The following KLF17 variants were observed in gnomAD, a reference collection of about 807,000 sequenced individuals.
KLF17 encodes the protein Krueppel-like factor 17.
In KLF17, 31 loss-of-function variants were observed where a neutral mutation model predicts 34.2. The ratio of observed to expected loss-of-function variants is 0.91; its 90% CI spans 0.68 to 1.22. The LOEUF (loss-of-function observed/expected upper bound fraction) is 1.22. KLF17 is among the 50% of genes most tolerant of loss of function. The pLI, the probability that KLF17 is intolerant of heterozygous loss-of-function variation, is 0.00. For missense variants in KLF17, 478 were observed against 505.2 expected (o/e 0.95, Z 0.52); for synonymous variants, 179 against 186.7 (o/e 0.96, Z 0.34).
rs2088088011 is a variant in KLF17, at chr1:44,130,074, C to T, written c.803C>T (p.Pro268Leu). The stretch of plus-strand genomic sequence containing the variant: ...CAGACAGTAGAGAAGAACTCCAGGC[C>T]TCAGGAAGGGACTGGTAGAAGGGGC... ...APQTVEKNSR[P>L]QEGTGRRGSS... Residue 268 changes from proline (P) to leucine (L), a missense_variant, in exon 2 of 4, where the codon CCT becomes CTT. Pro to Leu is a moderately conservative substitution (Grantham distance 98, BLOSUM62 -3). Transcript: ENST00000372299. 3.1e-6 allele frequency: 5 copies of T among 1,614,220 alleles called. No homozygotes were observed. In the East Asian group the frequency reaches 8.9e-5, roughly 29 times the overall value.
At chr1:44,130,864 C>T (rs1189568428) in intron 3 of KLF17, 108 bp downstream of exon 3, 13 of 1,048,164 alleles carry the variant, frequency 1.2e-5, no homozygotes, top group East Asian at 2.6e-5. Flanking sequence ...TGGCGCAATT[C>T]GGTTCACTGC....
chr1:44,129,296 G>A, intron 1 of KLF17, 57 bp from the exon 2 acceptor site: 9 of 1,503,204 alleles, frequency 6.0e-6, no homozygotes, highest in South Asian at 1.4e-5. Flanking sequence ...GGGATGAAGA[G>A]GAGGAACATG....
the KLF17 span, among the ~76,000 whole-genome samples, chr1:44,081,339 T>C: frequency 6.6e-6 from 1 of 152,020 alleles, no homozygotes; most frequent in African/African-American, 2.4e-5. Flanking sequence ...CTGTTTAGTT[T>C]AAAGCACTAG....
At chr1:44,045,638 C>CAA in the KLF17 span, among the ~76,000 whole-genome samples, 1 of 152,150 alleles carries the variant, frequency 6.6e-6, no homozygotes, top group Non-Finnish European at 1.5e-5. Context: ...CTTGAAGAGG[C>CAA]AATAGTTAAA....
the KLF17 span, chr1:44,103,674 G>A: frequency 6.2e-7 from 1 of 1,609,440 alleles, no homozygotes; most frequent in Non-Finnish European, 8.5e-7. Context: ...CAGCTGCCGC[G>A]CCATGTCCTG....
chr1:44,085,494 T>G, the KLF17 span, among the ~76,000 whole-genome samples: 1 of 152,038 alleles, frequency 6.6e-6, no homozygotes, highest in Admixed American at 6.6e-5. Flanking sequence ...TTTGCCTAAA[T>G]TCCATTAAGA....
chr1:44,060,007 C>T, the KLF17 span, among the ~76,000 whole-genome samples: 2 of 151,996 alleles, frequency 1.3e-5, no homozygotes, highest in African/African-American at 4.8e-5. Context: ...CTCTAGAGAC[C>T]CAACTTGGCA....
chr1:44,082,431 T>C, the KLF17 span, among the ~76,000 whole-genome samples: 1 of 152,178 alleles, frequency 6.6e-6, no homozygotes, highest in Non-Finnish European at 1.5e-5. Context: ...TATTGGAAAT[T>C]ACACCGGGGA....
At chr1:44,122,099 T>C (rs1379193669) in intron 1 of KLF17, 1 of 1,125,354 alleles carries the variant, frequency 8.9e-7, no homozygotes, top group Non-Finnish European at 1.3e-6. Flanking sequence ...ACACAACCTG[T>C]ACAAAAAATA....
the KLF17 span, among the ~76,000 whole-genome samples, chr1:44,086,240 G>A: frequency 6.6e-6 from 1 of 152,230 alleles, no homozygotes; most frequent in Non-Finnish European, 1.5e-5. Flanking sequence ...GCCGAGGCAG[G>A]CAGATCACCT....
chr1:44,056,761 C>A, the KLF17 span, among the ~76,000 whole-genome samples: 1 of 152,116 alleles, frequency 6.6e-6, no homozygotes, highest in Non-Finnish European at 1.5e-5. Flanking sequence ...AAGCTGTGGC[C>A]ACCACTGCTC....
chr1:44,086,090 C>A, the KLF17 span, among the ~76,000 whole-genome samples: 1 of 152,124 alleles, frequency 6.6e-6, no homozygotes, highest in Non-Finnish European at 1.5e-5. Flanking sequence ...GAAAACCTGA[C>A]AAGGGGGCAC....
chr1:44,114,139 G>T (rs181619229), upstream of KLF17: 4 of 152,434 alleles, frequency 2.6e-5, no homozygotes, highest in African/African-American at 9.6e-5. Context: ...AGGCTGAAAG[G>T]TGGGGCTGGC....
At chr1:44,111,963 A>G in the KLF17 span, among the ~76,000 whole-genome samples, 1 of 152,230 alleles carries the variant, frequency 6.6e-6, no homozygotes, top group East Asian at 1.9e-4. Context: ...GACTTTATTC[A>G]GATTTCACCA....
the KLF17 span, among the ~76,000 whole-genome samples, chr1:44,081,710 T>G: frequency 3.3e-4 from 50 of 152,254 alleles, no homozygotes; most frequent in Admixed American, 6.5e-4. Context: ...CATGAGCCAC[T>G]GCACTTGGCC....
At chr1:44,104,492 C>A in the KLF17 span, 2 of 766,270 alleles carry the variant, frequency 2.6e-6, no homozygotes, top group South Asian at 1.4e-5. Flanking sequence ...GGTTCTTGAT[C>A]TGCTCCTTCT....
the KLF17 span, among the ~76,000 whole-genome samples, chr1:44,090,665 G>A: frequency 8.5e-5 from 13 of 152,166 alleles, no homozygotes; most frequent in Middle Eastern, 3.4e-3. Context: ...CACTGACCAC[G>A]GGGAGGGACT....
rs112423893 is a variant in KLF17, at chr1:44,127,068, T to TTG, written c.82-2284_82-2283insGT. ...CATGCTACCATGCCTGGCTTGTTTT[T>TTG]TTTTTTTTTTTTTAATTCTTTGTAG... On this transcript the variant is annotated intron_variant, in intron 1 of 3. Coordinates refer to ENST00000372299, the MANE Select transcript of KLF17 (RefSeq NM_173484.4). 1.1e-3 allele frequency among the ~76,000 whole-genome samples: 168 copies of TTG among 149,712 alleles called. 1 individual carries two copies. Among genetic ancestry groups the TTG allele is most frequent in the African/African-American group, 4.1e-3 (163 of 40,154 alleles).
chr1:44,064,279 C>T, the KLF17 span, among the ~76,000 whole-genome samples: 1 of 152,234 alleles, frequency 6.6e-6, no homozygotes, highest in South Asian at 2.1e-4. Flanking sequence ...AAGATATATG[C>T]TTATTATAAT....
Sources: allele counts gnomAD v4.1 joint callset (sites outside exome capture counted in the v4.1 genomes callset), GRCh38; gene constraint gnomAD v4.1.1; transcripts MANE v1.5; gene names NCBI Gene and HGNC (gene_info 2026-07-23, HGNC 2026-07-21).